The following ADAMTS18 variants were observed in gnomAD, a reference collection of about 807,000 sequenced individuals.
The protein encoded by ADAMTS18 is ADAM metallopeptidase with thrombospondin type 1 motif 18.
In ADAMTS18, 157 loss-of-function variants were observed where a neutral mutation model predicts 165.9. The ratio of observed to expected loss-of-function variants is 0.95; its 90% CI spans 0.83 to 1.08. The LOEUF is 1.08. ADAMTS18 is among the 50% of genes least tolerant of loss of function. The probability of loss-of-function intolerance (pLI) is 0.00; values close to 1 mark genes in which losing one functional copy is unlikely to be tolerated. For synonymous variants in ADAMTS18, 782 were observed against 578.2 expected (o/e 1.35, Z -5.06); for missense variants, 2,040 against 1,534.0 (o/e 1.33, Z -5.51).
chr16:77,324,231 A>G (rs922737169), intron 13 of ADAMTS18, among the ~76,000 whole-genome samples: 8 of 152,190 alleles, frequency 5.3e-5, no homozygotes, highest in African/African-American at 1.9e-4. Context: ...GAAGCATGGG[A>G]CCTCAAGAGT....
At chr16:77,366,145 T>C (rs897263006) in intron 4 of ADAMTS18, among the ~76,000 whole-genome samples, 1 of 132,438 alleles carries the variant, frequency 7.6e-6, no homozygotes, top group East Asian at 2.6e-4. Context: ...CCAGTTCCTC[T>C]TCTCCATGAG....
chr16:77,294,051 T>C (rs1438488779), intron 19 of ADAMTS18, among the ~76,000 whole-genome samples: 3 of 135,650 alleles, frequency 2.2e-5, no homozygotes, highest in Non-Finnish European at 3.5e-5. Flanking sequence ...CCCTCCAGCA[T>C]GTAATATACG....
intron 16 of ADAMTS18, among the ~76,000 whole-genome samples, chr16:77,313,340 C>T (rs2859519): frequency 0.93 from 142,066 of 152,058 alleles, 66,414 homozygotes; most frequent in African/African-American, 0.95. Context: ...ATATACCTAA[C>T]GTAAATGACG....
intron 12 of ADAMTS18, 92 bp from the exon 13 acceptor site, chr16:77,326,130 G>T: frequency 8.0e-7 from 1 of 1,242,364 alleles, no homozygotes; most frequent in Non-Finnish European, 1.2e-6. Flanking sequence ...ATGAAGATGA[G>T]CACTGCCACA....
intron 12 of ADAMTS18, among the ~76,000 whole-genome samples, chr16:77,327,040 T>G (rs1294681696): frequency 6.6e-6 from 1 of 152,208 alleles, no homozygotes; most frequent in Non-Finnish European, 1.5e-5. Flanking sequence ...TTCTTTTGTT[T>G]TGGCTGCATA....
chr16:77,377,826 A>G (rs568597194), intron 3 of ADAMTS18, among the ~76,000 whole-genome samples: 51 of 152,312 alleles, frequency 3.3e-4, no homozygotes, highest in Non-Finnish European at 5.9e-4. Context: ...GTTGCCCAAC[A>G]TGTACAAGAA....
At chr16:77,395,838 G>A (rs1424268295) in intron 3 of ADAMTS18, among the ~76,000 whole-genome samples, 3 of 152,016 alleles carry the variant, frequency 2.0e-5, no homozygotes, top group Admixed American at 2.0e-4. Flanking sequence ...GGTATTTTTA[G>A]GTCTAGAGAA....
At chr16:77,375,590 G>A (rs1358268022) in intron 3 of ADAMTS18, among the ~76,000 whole-genome samples, 1 of 152,172 alleles carries the variant, frequency 6.6e-6, no homozygotes, top group Non-Finnish European at 1.5e-5. Flanking sequence ...CAGAGCTAAG[G>A]AGCGGAAGGG....
chr16:77,381,400 G>A (rs1468538256), intron 3 of ADAMTS18, among the ~76,000 whole-genome samples: 1 of 152,158 alleles, frequency 6.6e-6, no homozygotes, highest in East Asian at 1.9e-4. Flanking sequence ...CTAGCCTCCC[G>A]CCAAGTACCT....
At chr16:77,375,599 G>T (rs77340045) in intron 3 of ADAMTS18, among the ~76,000 whole-genome samples, 2,281 of 152,274 alleles carry the variant, frequency 0.015, 51 homozygotes, top group African/African-American at 0.052. Context: ...GGAGCGGAAG[G>T]GGTGGTGAGA....
chr16:77,292,635 G>A (rs1241455636), intron 20 of ADAMTS18, among the ~76,000 whole-genome samples: 1 of 152,222 alleles, frequency 6.6e-6, no homozygotes, highest in African/African-American at 2.4e-5. Context: ...TGTGCTTTAT[G>A]AAGTCTTGCG....
At chr16:77,308,592 A>C (rs1207628997) in intron 16 of ADAMTS18, among the ~76,000 whole-genome samples, 1 of 151,006 alleles carries the variant, frequency 6.6e-6, no homozygotes, top group Non-Finnish European at 1.5e-5. Flanking sequence ...AAAAAAAAAA[A>C]AAACTTGTGT....
At chr16:77,288,958 A>G (rs923448056) in intron 22 of ADAMTS18, among the ~76,000 whole-genome samples, 2 of 152,216 alleles carry the variant, frequency 1.3e-5, no homozygotes, top group East Asian at 1.9e-4. Context: ...GGTGGTGCAC[A>G]CCTATAATCC....
intron 22 of ADAMTS18, among the ~76,000 whole-genome samples, chr16:77,287,050 C>A (rs564041562): frequency 2.0e-5 from 3 of 152,048 alleles, no homozygotes; most frequent in African/African-American, 7.2e-5. Context: ...CACTGGATGA[C>A]AGGAGGATGC....
chr16:77,354,967 T>C lies in ADAMTS18; in HGVS notation c.1460+973A>G, dbSNP rs187583172. 1.8e-3 allele frequency among the ~76,000 whole-genome samples: 278 copies of C among 152,304 alleles called. 1 individual carries two copies. The highest frequency in any genetic ancestry group is 0.014 in the South Asian group (66 of 4,828). On this transcript the variant is annotated intron_variant, in intron 9 of 22. Transcript: ENST00000282849. Reference sequence around the variant, plus strand: ...GCAAAGCTTACTAACAAAAAGTCTGTTGATTTTTTACCACCCTTTGGGCAT... The same window carrying C: ...GCAAAGCTTACTAACAAAAAGTCTGCTGATTTTTTACCACCCTTTGGGCAT...
intron 3 of ADAMTS18, among the ~76,000 whole-genome samples, chr16:77,416,382 A>T (rs1455120282): frequency 6.6e-6 from 1 of 152,160 alleles, no homozygotes; most frequent in East Asian, 1.9e-4. Context: ...CTATGTCCCT[A>T]CCCAAATGTC....
intron 3 of ADAMTS18, among the ~76,000 whole-genome samples, chr16:77,425,819 G>A (rs1226174280): frequency 6.6e-6 from 1 of 152,120 alleles, no homozygotes; most frequent in African/African-American, 2.4e-5. Flanking sequence ...GAGGTAGGCA[G>A]ATCACCTGAG....
chr16:77,432,126 A>G (rs952454024), intron 2 of ADAMTS18, among the ~76,000 whole-genome samples: 4 of 152,194 alleles, frequency 2.6e-5, no homozygotes, highest in Non-Finnish European at 4.4e-5. Flanking sequence ...AGTGTGGGGT[A>G]GCCTCAGATG....
chr16:77,313,946 C>T (rs1015428814), intron 16 of ADAMTS18, among the ~76,000 whole-genome samples: 2 of 152,098 alleles, frequency 1.3e-5, no homozygotes, highest in African/African-American at 2.4e-5. Context: ...ATTTCTATGC[C>T]TTAGGTTTAA....
Sources: allele counts gnomAD v4.1 joint callset (sites outside exome capture counted in the v4.1 genomes callset), GRCh38; gene constraint gnomAD v4.1.1; transcripts MANE v1.5; gene names NCBI Gene and HGNC (gene_info 2026-07-23, HGNC 2026-07-21).